ERC2: variants seen among roughly 807,000 people sequenced by gnomAD.
The protein encoded by ERC2 is ELKS/RAB6-interacting/CAST family member 2.
Under a neutral mutation model 114.8 loss-of-function variants are expected in ERC2, and 42 were observed. The observed-to-expected ratio is 0.37, with a 90% confidence interval of 0.29 to 0.47. ERC2 has a LOEUF of 0.47. Among genes scored for constraint, ERC2 ranks in the 20% least tolerant of loss-of-function variants. The pLI is 0.99. For synonymous variants in ERC2, 454 were observed against 425.5 expected (o/e 1.07, Z -0.82); for missense variants, 939 against 1,150.7 (o/e 0.82, Z 2.66).
intron 7 of ERC2, among the ~76,000 whole-genome samples, chr3:56,049,303 G>C (rs1419171475): frequency 1.3e-5 from 2 of 152,196 alleles, no homozygotes; most frequent in African/African-American, 4.8e-5. Context: ...AGATTTCTGT[G>C]AAGAGGTGCC....
At chr3:56,412,769 C>A (rs1378767368) in intron 2 of ERC2, among the ~76,000 whole-genome samples, 2 of 152,128 alleles carry the variant, frequency 1.3e-5, no homozygotes, top group African/African-American at 2.4e-5. Flanking sequence ...GCAAGTAAGT[C>A]AATACATGTG....
chr3:56,252,289 C>T (rs1294075529), intron 3 of ERC2, among the ~76,000 whole-genome samples: 1 of 152,056 alleles, frequency 6.6e-6, no homozygotes, highest in South Asian at 2.1e-4. Flanking sequence ...CATCTCTATA[C>T]GTTTTATTGT....
At chr3:55,520,386 A>C (rs573938768) in intron 17 of ERC2, among the ~76,000 whole-genome samples, 2 of 147,548 alleles carry the variant, frequency 1.4e-5, no homozygotes, top group Non-Finnish European at 3.0e-5. Context: ...CAGTGAGCCG[A>C]GATCGTGCCA....
chr3:56,143,444 C>T lies in ERC2; in HGVS notation c.1306-3768G>A, dbSNP rs189697286. ...GGTAATTGAATCATGGGGGAGGGGC[C>T]AGTCTTTCCCATGCTGTTCTCATGA... is the stretch of plus-strand genomic sequence containing the variant. On this transcript the variant is annotated intron_variant, in intron 5 of 17. Coordinates refer to ENST00000288221, the MANE Select transcript of ERC2 (RefSeq NM_015576.3). Among the ~76,000 whole-genome samples, 11 of 152,110 alleles carry T rather than the reference C, an allele frequency of 7.2e-5. No homozygotes were observed. In the South Asian group the frequency reaches 1.9e-3, roughly 26 times the overall value.
intron 17 of ERC2, among the ~76,000 whole-genome samples, chr3:55,670,447 G>A (rs1211205371): frequency 3.3e-5 from 5 of 152,206 alleles, no homozygotes; most frequent in African/African-American, 1.2e-4. Context: ...CTTCCCATGA[G>A]GGGAGTTTGT....
Position 55,994,305 on chromosome 3 carries a change from A to G in ERC2, c.2062-2055T>C, listed in dbSNP as rs113264351. On this transcript the variant is annotated intron_variant, in intron 10 of 17. Coordinates refer to ENST00000288221, the MANE Select transcript of ERC2 (RefSeq NM_015576.3). ...AGTTAAAACTCCTTTCCTGATGCTA[A>G]TTTTTAAAAGTTCACAAATAGCTAG... Among the ~76,000 whole-genome samples, 480 of 152,178 alleles carry G rather than the reference A, an allele frequency of 3.2e-3. 3 individuals carry two copies. Among genetic ancestry groups the G allele is most frequent in the Middle Eastern group, 0.027 (8 of 294 alleles).
intron 16 of ERC2, among the ~76,000 whole-genome samples, chr3:55,686,057 G>C (rs985255968): frequency 6.6e-6 from 1 of 152,214 alleles, no homozygotes; most frequent in Non-Finnish European, 1.5e-5. Flanking sequence ...ATATTAAAAA[G>C]TGGTAATTAA....
At chr3:55,522,195 G>C (rs560078916) in intron 17 of ERC2, among the ~76,000 whole-genome samples, 8 of 152,268 alleles carry the variant, frequency 5.3e-5, no homozygotes, top group South Asian at 4.2e-4. Context: ...AGTCTTCTCT[G>C]GGGGGAGGGG....
intron 17 of ERC2, among the ~76,000 whole-genome samples, chr3:55,548,616 TG>T (rs1487450985): frequency 6.6e-6 from 1 of 152,222 alleles, no homozygotes; most frequent in Non-Finnish European, 1.5e-5. Flanking sequence ...AGGGCGGGGC[TG>T]GAGAGAAGGC....
At chr3:56,445,538 A>G (rs554606520) in intron 1 of ERC2, among the ~76,000 whole-genome samples, 1 of 152,200 alleles carries the variant, frequency 6.6e-6, no homozygotes, top group Non-Finnish European at 1.5e-5. Flanking sequence ...TTAAGATACA[A>G]TTACGATTAT....
intron 3 of ERC2, among the ~76,000 whole-genome samples, chr3:56,201,595 C>A (rs1405286876): frequency 3.3e-5 from 5 of 152,152 alleles, no homozygotes; most frequent in African/African-American, 9.7e-5. Flanking sequence ...ACTCAATAAT[C>A]CTCTGTTTAT....
rs550300223 is a variant in ERC2 at position 55,903,108 on chromosome 3, T to C, written c.2404-14559A>G. Among the ~76,000 whole-genome samples, 4 of 152,346 alleles carry C rather than the reference T, an allele frequency of 2.6e-5. 1 individual carries two copies. The highest frequency in any genetic ancestry group is 6.5e-5 in the Admixed American group (1 of 15,302). On this transcript the variant is annotated intron_variant, in intron 13 of 17. Transcript: ENST00000288221. ...ATCTGCCAGATTGTACCATTTATAT[T>C]CACCTATTAAACTCCAAGCTTCACC...
intron 3 of ERC2, among the ~76,000 whole-genome samples, chr3:56,237,891 C>CTTT (rs3054904): frequency 7.1e-6 from 1 of 140,912 alleles, no homozygotes; most frequent in Non-Finnish European, 1.5e-5. Flanking sequence ...CTATTTTTTC[C>CTTT]TTTTTTTTTT....
chr3:56,340,278 T>C (rs140842339), intron 2 of ERC2, among the ~76,000 whole-genome samples: 246 of 152,282 alleles, frequency 1.6e-3, no homozygotes, highest in African/African-American at 5.2e-3. Context: ...ACCTAGTATT[T>C]AGCTTAAAAT....
chr3:55,609,928 TC>T (rs1245996101), intron 17 of ERC2, among the ~76,000 whole-genome samples: 1 of 151,982 alleles, frequency 6.6e-6, no homozygotes, highest in Non-Finnish European at 1.5e-5. Context: ...TCGCTGGTAC[TC>T]TGGTGCTCTC....
At chr3:55,658,299 C>T (rs1465166079) in intron 17 of ERC2, 1 of 152,186 alleles carries the variant, frequency 6.6e-6, no homozygotes, top group Non-Finnish European at 1.5e-5. Context: ...ATCACTCCAG[C>T]TTCTATTTCC....
intron 3 of ERC2, among the ~76,000 whole-genome samples, chr3:56,295,229 A>T (rs1370975145): frequency 6.6e-6 from 1 of 152,188 alleles, no homozygotes; most frequent in Non-Finnish European, 1.5e-5. Context: ...TTTCTGTGAG[A>T]TCCACGTCTC....
At chr3:56,204,827 A>T (rs1006040874) in intron 3 of ERC2, among the ~76,000 whole-genome samples, 1 of 152,110 alleles carries the variant, frequency 6.6e-6, no homozygotes, top group Non-Finnish European at 1.5e-5. Flanking sequence ...AAACACTGGA[A>T]TATCTTCACA....
chr3:55,854,860 G>A (rs928058189), intron 14 of ERC2, among the ~76,000 whole-genome samples: 2 of 152,004 alleles, frequency 1.3e-5, no homozygotes, highest in Non-Finnish European at 2.9e-5. Flanking sequence ...AAGGAGGCTG[G>A]TGGGGAGGGT....
Sources: gnomAD v4.1 joint callset for allele counts (sites outside exome capture counted in the v4.1 genomes callset) on GRCh38, gnomAD v4.1.1 for gene constraint, MANE v1.5 for transcripts, NCBI Gene and HGNC (gene_info 2026-07-23, HGNC 2026-07-21) for gene names.